Variants in GBF1 observed in about 807,000 individuals in gnomAD.
GBF1 encodes the protein Golgi-specific brefeldin A-resistance guanine nucleotide exchange factor 1.
A neutral mutation model predicts 210.5 loss-of-function variants in GBF1; 114 were observed. The ratio of observed to expected loss-of-function variants is 0.54; its 90% CI spans 0.47 to 0.63. GBF1 has a LOEUF of 0.63. GBF1 is among the 30% of genes least tolerant of loss of function. GBF1 has a pLI of 0.00. For synonymous variants in GBF1, 850 were observed against 889.2 expected, an observed-to-expected ratio of 0.96 and a Z score of 0.78; for missense variants, 1,851 against 2,357.7, an observed-to-expected ratio of 0.79 and a Z score of 4.45.
In GBF1 at chr10:102,250,420, C is replaced by T. The variant is rs563263039; in HGVS notation, c.-11+4639C>T. The stretch of plus-strand genomic sequence containing the variant: ...TATGTTGCCCAGAGTCCAGTGGTGT[C>T]ATCATAGCCCATTGCAGCCTTGATT... On this transcript the variant is annotated intron_variant, in intron 1 of 39. Coordinates refer to ENST00000369983, the MANE Select transcript of GBF1 (RefSeq NM_001377137.1). 7.2e-5 allele frequency among the ~76,000 whole-genome samples: 11 copies of T among 152,156 alleles called. No individual in the cohort carries two copies. The East Asian group carries it at 2.1e-3, about 29-fold the overall frequency.
intron 3 of GBF1, among the ~76,000 whole-genome samples, chr10:102,339,080 A>T (rs1015392140): frequency 2.0e-5 from 3 of 151,892 alleles, no homozygotes; most frequent in African/African-American, 7.2e-5. Flanking sequence ...GACTTAGTAT[A>T]AGCCGGGCAT....
chr10:102,270,174 G>A (rs1446356218), intron 3 of GBF1, among the ~76,000 whole-genome samples: 4 of 150,778 alleles, frequency 2.7e-5, no homozygotes, highest in Non-Finnish European at 5.9e-5. Flanking sequence ...CACTGCACCC[G>A]GCCTTTTTTT....
chr10:102,282,746 C>G (rs1329903687), intron 3 of GBF1, among the ~76,000 whole-genome samples: 1 of 152,200 alleles, frequency 6.6e-6, no homozygotes, highest in Non-Finnish European at 1.5e-5. Context: ...ACTAACCCAA[C>G]TAGCCTATTT....
chr10:102,347,578 A>T (rs985955296), intron 4 of GBF1, among the ~76,000 whole-genome samples: 1 of 152,198 alleles, frequency 6.6e-6, no homozygotes, highest in Admixed American at 6.5e-5. Context: ...GGAAAGGAGA[A>T]TGCTGGAGGT....
At chr10:102,314,722 AG>A (rs2078783206) in intron 3 of GBF1, among the ~76,000 whole-genome samples, 1 of 152,224 alleles carries the variant, frequency 6.6e-6, no homozygotes, top group African/African-American at 2.4e-5. Flanking sequence ...CCAAGTTAGC[AG>A]AAGCATAATT....
chr10:102,231,001 A>G, the GBF1 span: 8 of 1,599,548 alleles, frequency 5.0e-6, no homozygotes, highest in South Asian at 8.9e-5. Context: ...GTAGGGCGGC[A>G]CCAGCCCCCC....
intron 3 of GBF1, among the ~76,000 whole-genome samples, chr10:102,295,756 G>A (rs951467707): frequency 1.3e-5 from 2 of 151,972 alleles, no homozygotes; most frequent in Admixed American, 6.6e-5. Context: ...TGTCTCCTTC[G>A]AAGAGGAATA....
intron 3 of GBF1, among the ~76,000 whole-genome samples, chr10:102,288,144 C>G (rs919060236): frequency 6.6e-6 from 1 of 152,154 alleles, no homozygotes; most frequent in Non-Finnish European, 1.5e-5. Context: ...CTCCTCTACC[C>G]GTTTTGCTGG....
chr10:102,247,387 A>C (rs2070976952), intron 1 of GBF1, among the ~76,000 whole-genome samples: 1 of 152,160 alleles, frequency 6.6e-6, no homozygotes, highest in African/African-American at 2.4e-5. Context: ...TTGCTGATCT[A>C]AGTTGTAGAA....
intron 3 of GBF1, among the ~76,000 whole-genome samples, chr10:102,337,206 A>G (rs925376557): frequency 2.6e-5 from 4 of 151,848 alleles, no homozygotes. Context: ...GCGAAACCCC[A>G]TCTCTACTAA....
rs2059387976 is a variant in GBF1 at position 102,357,970 on chromosome 10, A to G, written c.640-69A>G. On this transcript the variant is annotated intron_variant, in intron 8 of 39. Transcript: ENST00000369983. ...GTTTTCTAGAGATCAGTAGGACTAA[A>G]TGAAGGGAGATTAATAGGGATAGAG... The G allele has an allele frequency of 1.2e-5, 13 of 1,060,750 alleles. No individual in the cohort carries two copies. In the South Asian group the frequency reaches 1.7e-4, roughly 14 times the overall value. The allele number at this position is 1,060,750 out of a possible 1,614,324, so 65.7% of individuals were successfully genotyped here. A position where few individuals can be genotyped will look rare whatever the true frequency, so the allele number is the denominator to read the frequency against.
At chr10:102,238,186 T>G in the GBF1 span, among the ~76,000 whole-genome samples, 1 of 152,064 alleles carries the variant, frequency 6.6e-6, no homozygotes, top group Non-Finnish European at 1.5e-5. Flanking sequence ...TTTTCATGAG[T>G]CCCTGGCAGT....
At chr10:102,330,528 A>G (rs2057260595) in intron 3 of GBF1, among the ~76,000 whole-genome samples, 1 of 152,104 alleles carries the variant, frequency 6.6e-6, no homozygotes, top group African/African-American at 2.4e-5. Flanking sequence ...TACTAAAAAT[A>G]CAAAAATTAG....
chr10:102,361,256 A>G (rs1683595350), intron 13 of GBF1, 136 bp downstream of exon 13: 1 of 637,340 alleles, frequency 1.6e-6, no homozygotes, highest in East Asian at 2.7e-5. Flanking sequence ...TAGCCTCCAG[A>G]GTTCGGTTCA....
At position 102,363,729 on chromosome 10, in the gene GBF1, G is replaced by C; in HGVS notation, c.2037G>C (p.Arg679=). The change falls in exon 17 of 40, where the codon CGG becomes CGC. Residue 679 remains arginine (R), a synonymous_variant. Coordinates refer to ENST00000369983, the MANE Select transcript of GBF1 (RefSeq NM_001377137.1). This position sits in a 1 kb window ranked among gnomAD's most constrained non-coding sequence, Gnocchi z 4.2. ...VDSGADKKFA[R]KPPRFSCLLP... ...TCCTAGCTGACAAAAAGTTTGCCCGGAAGCCACCCCGATTTTCCTGTCTCC... is the reference window on the plus strand; with the variant it reads ...TCCTAGCTGACAAAAAGTTTGCCCGCAAGCCACCCCGATTTTCCTGTCTCC... 1 of 1,613,036 alleles carries C rather than the reference G, an allele frequency of 6.2e-7. No individual in the cohort carries two copies. The highest frequency in any genetic ancestry group is 1.1e-5 in the South Asian group (1 of 91,058).
intron 4 of GBF1, among the ~76,000 whole-genome samples, chr10:102,349,562 TAAC>T (rs550867182): frequency 2.6e-5 from 4 of 151,936 alleles, no homozygotes; most frequent in Admixed American, 6.6e-5. Flanking sequence ...AGAGAAAAAA[TAAC>T]AACAATCTTA....
At chr10:102,351,423 C>T (rs774343357) in intron 5 of GBF1, 49 bp downstream of exon 5, 16 of 987,302 alleles carry the variant, frequency 1.6e-5, no homozygotes, top group East Asian at 9.5e-5. Context: ...GGGCTGGTGC[C>T]GCAGACTCTA....
At chr10:102,343,501 T>G (rs537508373) in intron 3 of GBF1, among the ~76,000 whole-genome samples, 25 of 152,350 alleles carry the variant, frequency 1.6e-4, no homozygotes, top group Non-Finnish European at 3.1e-4. Flanking sequence ...TTTACCATTT[T>G]AACTGTTTGT....
the GBF1 span, chr10:102,231,116 G>C: frequency 6.6e-7 from 1 of 1,522,106 alleles, no homozygotes; most frequent in Non-Finnish European, 8.8e-7. Flanking sequence ...GGGCACGGGA[G>C]AAAGGCGGTC....
Sources: gnomAD v4.1 joint callset for allele counts (sites outside exome capture counted in the v4.1 genomes callset) on GRCh38, gnomAD v4.1.1 for gene constraint, Gnocchi (gnomAD v3.1) non-coding constraint, MANE v1.5 for transcripts, NCBI Gene and HGNC (gene_info 2026-07-23, HGNC 2026-07-21) for gene names.